The following DPYD variants were observed in gnomAD, a reference collection of about 807,000 sequenced individuals.
DPYD encodes the protein dihydropyrimidine dehydrogenase [NADP(+)].
Under a neutral mutation model 116.2 loss-of-function variants are expected in DPYD, and 109 were observed. The observed-to-expected ratio is 0.94, with a 90% CI of 0.80 to 1.10. The LOEUF (loss-of-function observed/expected upper bound fraction) is 1.10, where lower values mean the gene tolerates loss of function less well. Ranked by LOEUF, DPYD falls within the 50% of genes least tolerant of loss-of-function variation. The pLI, the probability that DPYD is intolerant of heterozygous loss-of-function variation, is 0.00. For missense variants in DPYD, 1,302 were observed against 1,254.5 expected, an observed-to-expected ratio of 1.04 and a Z score of -0.57; for synonymous variants, 440 against 432.0, an observed-to-expected ratio of 1.02 and a Z score of -0.23.
At chr1:97,529,554 T>C (rs1418094741) in intron 12 of DPYD, among the ~76,000 whole-genome samples, 2 of 152,204 alleles carry the variant, frequency 1.3e-5, no homozygotes, top group Admixed American at 6.5e-5. Context: ...TTTGGATATA[T>C]GCATACACTC....
chr1:97,311,555 A>G (rs905080560), intron 16 of DPYD, among the ~76,000 whole-genome samples: 5 of 151,770 alleles, frequency 3.3e-5, no homozygotes, highest in African/African-American at 9.7e-5. Flanking sequence ...GTAAATCAGT[A>G]CAAGAGTCTT....
intron 13 of DPYD, among the ~76,000 whole-genome samples, chr1:97,469,321 G>GA (rs1386155520): frequency 7.4e-6 from 1 of 134,646 alleles, no homozygotes; most frequent in African/African-American, 2.7e-5. Context: ...GCTAAAGAAT[G>GA]AGTGATTTAT....
Position 97,595,060 on chromosome 1 carries a change from T to C in DPYD, c.957A>G (p.Ala319=). The change falls in exon 9 of 23, where the codon GCA becomes GCG. Residue 319 remains alanine, a splice_region_variant and synonymous_variant. Coordinates refer to ENST00000370192, the MANE Select transcript of DPYD (RefSeq NM_000110.4). ...AGCATAAAAGACAATATGTTATACC[T>C]GCTTTACTGCCTTTGGCTACAAGTG... The part of the protein sequence containing the change: ...FLPLVAKGSK[A]GMCACHSPLP... 6.2e-7 allele frequency: 1 copy of C among 1,610,370 alleles called. No individual in the cohort carries two copies. Among genetic ancestry groups the C allele is most frequent in the Non-Finnish European group, 8.5e-7 (1 of 1,176,762 alleles).
chr1:97,238,660 T>C (rs1285769630), intron 18 of DPYD, among the ~76,000 whole-genome samples: 3 of 152,182 alleles, frequency 2.0e-5, no homozygotes, highest in Non-Finnish European at 4.4e-5. Flanking sequence ...AAAGGTCTTT[T>C]AAAATTTTGT....
At chr1:97,492,441 C>A (rs1048365665) in intron 13 of DPYD, among the ~76,000 whole-genome samples, 1 of 152,118 alleles carries the variant, frequency 6.6e-6, no homozygotes, top group Admixed American at 6.6e-5. Flanking sequence ...TCCCTATTCA[C>A]ATAACACAAT....
intron 13 of DPYD, among the ~76,000 whole-genome samples, chr1:97,454,695 A>G (rs922828668): frequency 4.0e-5 from 6 of 151,882 alleles, no homozygotes; most frequent in African/African-American, 1.4e-4. Context: ...CAGAAAAGAG[A>G]TTTAAATGGT....
intron 1 of DPYD, among the ~76,000 whole-genome samples, chr1:97,920,159 AT>A (rs1674433918): frequency 6.6e-6 from 1 of 152,194 alleles, no homozygotes; most frequent in Non-Finnish European, 1.5e-5. Context: ...TTTTCATCGC[AT>A]ATATTAAGAT....
intron 20 of DPYD, among the ~76,000 whole-genome samples, chr1:97,128,912 G>A (rs1653055983): frequency 6.6e-6 from 1 of 151,582 alleles, no homozygotes; most frequent in Non-Finnish European, 1.5e-5. Flanking sequence ...GAGTGTGGAT[G>A]GAGGAGTGAC....
At chr1:97,359,454 G>A (rs1490619814) in intron 16 of DPYD, among the ~76,000 whole-genome samples, 1 of 152,120 alleles carries the variant, frequency 6.6e-6, no homozygotes, top group African/African-American at 2.4e-5. Flanking sequence ...AGGAAATAGA[G>A]AGAACACTAC....
At chr1:97,239,519 G>A (rs1419035618) in intron 18 of DPYD, among the ~76,000 whole-genome samples, 1 of 151,240 alleles carries the variant, frequency 6.6e-6, no homozygotes, top group Non-Finnish European at 1.5e-5. Context: ...ATATATCTAC[G>A]CTTGACTCAC....
intron 16 of DPYD, among the ~76,000 whole-genome samples, chr1:97,326,452 G>A (rs1198729745): frequency 6.6e-6 from 1 of 151,924 alleles, no homozygotes; most frequent in African/African-American, 2.4e-5. Flanking sequence ...AGTAGATGGT[G>A]GTTGATGTCT....
chr1:97,235,777 G>A lies in DPYD; in HGVS notation c.2300-783C>T, dbSNP rs1256524177. On this transcript the variant is annotated intron_variant, in intron 18 of 22. Transcript: ENST00000370192. Reference sequence around the variant, plus strand: ...TAGACTCTGTAAAAAAAGGCAAGGTGCTGATGAACTTACAGATTCCATGTT... The same window carrying A: ...TAGACTCTGTAAAAAAAGGCAAGGTACTGATGAACTTACAGATTCCATGTT... Among the ~76,000 whole-genome samples, 4 of 152,116 alleles carry A rather than the reference G, an allele frequency of 2.6e-5. No individual in the cohort carries two copies. In the South Asian group the frequency reaches 8.3e-4, roughly 31 times the overall value.
chr1:97,362,206 T>G (rs1257605431), intron 16 of DPYD, among the ~76,000 whole-genome samples: 1 of 151,976 alleles, frequency 6.6e-6, no homozygotes, highest in Non-Finnish European at 1.5e-5. Context: ...CATTCACGAT[T>G]GCTACAGAGA....
intron 20 of DPYD, among the ~76,000 whole-genome samples, chr1:97,184,549 C>T (rs773773513): frequency 3.4e-4 from 52 of 152,168 alleles, no homozygotes; most frequent in Non-Finnish European, 5.6e-4. Flanking sequence ...CGCTTGTTGG[C>T]TGCATGTATC....
At chr1:97,148,861 T>C (rs1654819046) in intron 20 of DPYD, among the ~76,000 whole-genome samples, 1 of 152,226 alleles carries the variant, frequency 6.6e-6, no homozygotes, top group African/African-American at 2.4e-5. Flanking sequence ...ATATCCTTTC[T>C]TGTATTATAG....
chr1:97,341,339 C>T (rs185040769), intron 16 of DPYD, among the ~76,000 whole-genome samples: 1 of 152,106 alleles, frequency 6.6e-6, no homozygotes, highest in Admixed American at 6.6e-5. Flanking sequence ...AATTGCAAAG[C>T]CCCTAATTTA....
chr1:97,143,886 G>C (rs1379132670), intron 20 of DPYD, among the ~76,000 whole-genome samples: 1 of 151,990 alleles, frequency 6.6e-6, no homozygotes, highest in Non-Finnish European at 1.5e-5. Context: ...CATTTGTAAC[G>C]GCTGCTTTTA....
intron 8 of DPYD, among the ~76,000 whole-genome samples, chr1:97,655,642 AAC>A (rs770014303): frequency 2.0e-5 from 3 of 152,226 alleles, no homozygotes; most frequent in South Asian, 2.1e-4. Flanking sequence ...AATACTTAAA[AAC>A]AGTCTTTTTA....
At chr1:97,577,959 C>T (rs1234628648) in intron 10 of DPYD, among the ~76,000 whole-genome samples, 1 of 152,034 alleles carries the variant, frequency 6.6e-6, no homozygotes, top group African/African-American at 2.4e-5. Context: ...GATTCTCCTG[C>T]CTCAGCCTTC....
Sources: gnomAD v4.1 joint callset for allele counts (sites outside exome capture counted in the v4.1 genomes callset) on GRCh38, gnomAD v4.1.1 for gene constraint, MANE v1.5 for transcripts, NCBI Gene and HGNC (gene_info 2026-07-23, HGNC 2026-07-21) for gene names.